The following RAD50 variants were observed in gnomAD, a reference collection of about 807,000 sequenced individuals.
RAD50 encodes the protein DNA repair protein RAD50.
A neutral mutation model predicts 168.8 loss-of-function variants in RAD50; 132 were observed. The observed-to-expected ratio is 0.78, with a 90% CI of 0.68 to 0.90. The LOEUF is 0.90. RAD50 is among the 40% of genes least tolerant of loss of function. The probability of loss-of-function intolerance (pLI) is 0.00; values close to 1 mark genes in which losing one functional copy is unlikely to be tolerated. For synonymous variants in RAD50, 525 were observed against 497.4 expected (o/e 1.06, Z -0.74); for missense variants, 1,347 against 1,534.4 (o/e 0.88, Z 2.04).
At chr5:132,559,492 C>A in intron 2 of RAD50, 125 bp downstream of exon 2, 2 of 893,096 alleles carry the variant, frequency 2.2e-6, no homozygotes, top group Non-Finnish European at 3.3e-6. Flanking sequence ...TTTTAGCACC[C>A]AGTAGTAACC....
At position 132,622,948 on chromosome 5, in the gene RAD50, A is replaced by G. The variant is rs564997737; in HGVS notation, c.3389+4654A>G. On this transcript the variant is annotated intron_variant, in intron 21 of 24. Coordinates refer to ENST00000378823, the MANE Select transcript of RAD50 (RefSeq NM_005732.4). ...TTCTTAGTTGGTAGGTTCCTAGACT[A>G]TACTCACTGGTAGCATAACTTTGAA... Among the ~76,000 whole-genome samples, 91 of 152,324 alleles carry G rather than the reference A, an allele frequency of 6.0e-4. 1 individual carries two copies. The South Asian group carries it at 0.017, about 29-fold the overall frequency.
Position 132,642,586 on chromosome 5 carries a change from A to G in RAD50, c.*222A>G. The stretch of plus-strand genomic sequence containing the variant: ...GATTTGCTGCTCTTCATCCCATTCC[A>G]GGCAGCCTCTGTCAGGCCTTCAGGG... On this transcript the variant is annotated 3_prime_UTR_variant, in exon 25 of 25. Coordinates refer to ENST00000378823, the MANE Select transcript of RAD50 (RefSeq NM_005732.4). 1 of 579,940 alleles carries G rather than the reference A, an allele frequency of 1.7e-6. No individual in the cohort carries two copies. Among genetic ancestry groups the G allele is most frequent in the Non-Finnish European group, 3.0e-6 (1 of 330,878 alleles). 35.9% of individuals were successfully genotyped at this position (579,940 alleles called of 1,614,324 possible).
intron 21 of RAD50, among the ~76,000 whole-genome samples, chr5:132,632,180 A>G (rs1203902427): frequency 6.6e-6 from 1 of 152,142 alleles, no homozygotes; most frequent in Admixed American, 6.5e-5. Context: ...TCCCAAACAT[A>G]TGTGATTTTT....
At chr5:132,572,162 T>C (rs1750318429) in intron 2 of RAD50, among the ~76,000 whole-genome samples, 1 of 152,136 alleles carries the variant, frequency 6.6e-6, no homozygotes, top group African/African-American at 2.4e-5. Context: ...AGAAAAAGCT[T>C]TTCAATTTAA....
chr5:132,591,889 G>T lies in RAD50; in HGVS notation c.1648G>T (p.Glu550Ter). The change falls in exon 11 of 25, where the codon GAA (glutamate) becomes TAA (stop). Residue 550 changes from glutamate to a stop codon, truncating the protein, a stop_gained. Transcript: ENST00000378823. LOFTEE classifies it high-confidence loss of function. ...TTTTTACCTATAGGCTGACAAAGAT[G>T]AACAAATCAGAAAAATAAAATCTAG... Reference protein sequence around the residue: ...MLTKDKADKDEQIRKIKSRHS... With the variant: ...MLTKDKADKD 2 of 1,603,610 alleles carry T rather than the reference G, an allele frequency of 1.2e-6. No individual in the cohort carries two copies. The highest frequency in any genetic ancestry group is 2.2e-5 in the South Asian group (2 of 90,564).
rs1249301323 is a variant in RAD50, at chr5:132,591,442, G to C, written c.1635+36G>C. Reference sequence around the variant, plus strand: ...TCTTTTTGTTCTAATTATACTGTCTGGTACTTAAAATAGCCTACCTTGCAC... The same window carrying C: ...TCTTTTTGTTCTAATTATACTGTCTCGTACTTAAAATAGCCTACCTTGCAC... On this transcript the variant is annotated intron_variant, in intron 10 of 24. Transcript: ENST00000378823. 4 of 1,581,358 alleles carry C rather than the reference G, an allele frequency of 2.5e-6. No homozygotes were observed. In the African/African-American group the frequency reaches 4.1e-5, roughly 16 times the overall value.
At chr5:132,557,841 T>A (rs894586515) in intron 1 of RAD50, among the ~76,000 whole-genome samples, 2 of 152,228 alleles carry the variant, frequency 1.3e-5, no homozygotes, top group Non-Finnish European at 2.9e-5. Context: ...TTAAAAGTTA[T>A]AAAATGATAC....
At chr5:132,615,337 C>T (rs1043488134) in intron 19 of RAD50, among the ~76,000 whole-genome samples, 15 of 152,240 alleles carry the variant, frequency 9.9e-5, no homozygotes, top group Admixed American at 9.2e-4. Flanking sequence ...AATTTCATTT[C>T]GGTGGCTAAG....
At chr5:132,641,010 G>A (rs1751709553) in intron 24 of RAD50, among the ~76,000 whole-genome samples, 1 of 152,148 alleles carries the variant, frequency 6.6e-6, no homozygotes, top group African/African-American at 2.4e-5. Flanking sequence ...GGAACTAGAT[G>A]GTGAACAGCA....
intron 2 of RAD50, among the ~76,000 whole-genome samples, chr5:132,573,747 G>A (rs189212324): frequency 3.1e-4 from 47 of 152,336 alleles, no homozygotes; most frequent in Non-Finnish European, 6.2e-4. Context: ...GGGGATACAG[G>A]CATTGGGCAA....
At chr5:132,584,824 T>G (rs1750565474) in intron 5 of RAD50, among the ~76,000 whole-genome samples, 1 of 151,876 alleles carries the variant, frequency 6.6e-6, no homozygotes, top group South Asian at 2.1e-4. Flanking sequence ...AAACCATCAT[T>G]CTCAGCAAAC....
chr5:132,641,358 A>G (rs1751716645), intron 24 of RAD50, among the ~76,000 whole-genome samples: 1 of 152,208 alleles, frequency 6.6e-6, no homozygotes, highest in Admixed American at 6.5e-5. Flanking sequence ...CAGCTCTTGC[A>G]TAAGGACTAT....
chr5:132,558,407 G>A (rs1750050630), intron 1 of RAD50, among the ~76,000 whole-genome samples: 1 of 152,076 alleles, frequency 6.6e-6, no homozygotes, highest in African/African-American at 2.4e-5. Flanking sequence ...TTTATAAAAT[G>A]GAGATTAAAA....
At chr5:132,637,056 T>C in intron 21 of RAD50, 59 bp from the exon 22 acceptor site, 4 of 1,235,762 alleles carry the variant, frequency 3.2e-6, no homozygotes, top group Non-Finnish European at 1.0e-6. Context: ...TATTTTAATA[T>C]TACTATTACA....
rs1279519668 is a variant in RAD50, at chr5:132,619,883, T to TAAAG, written c.3389+1590_3389+1591insAAGA. On this transcript the variant is annotated intron_variant, in intron 21 of 24. Coordinates refer to ENST00000378823, the MANE Select transcript of RAD50 (RefSeq NM_005732.4). ...ATATATATATAAAGATATATATATA[T>TAAAG]ATAGAGAGAGAGAGAGAGAGATATA... Among the ~76,000 whole-genome samples the TAAAG allele has an allele frequency of 6.1e-3, 754 of 123,992 alleles. 9 individuals carry two copies. In the East Asian group the frequency reaches 0.065, roughly 11 times the overall value. The allele number at this position is 123,992 out of a possible 152,430, so 81.3% of individuals were successfully genotyped here.
At chr5:132,589,019 A>G in intron 8 of RAD50, 139 bp downstream of exon 8, 1 of 887,036 alleles carries the variant, frequency 1.1e-6, no homozygotes, top group Non-Finnish European at 1.8e-6. Context: ...AGGCAGAAAA[A>G]CCTTTATTGA....
chr5:132,579,946 T>C lies in RAD50; in HGVS notation c.636T>C (p.Tyr212=), dbSNP rs760101766. 4 of 1,611,786 alleles carry C rather than the reference T, an allele frequency of 2.5e-6. No individual in the cohort carries two copies. The highest frequency in any genetic ancestry group is 1.7e-4 in the Middle Eastern group (1 of 6,056). Residue 212 remains tyrosine (Y), a synonymous_variant, in exon 5 of 25, where the codon TAT becomes TAC. Coordinates refer to ENST00000378823, the MANE Select transcript of RAD50 (RefSeq NM_005732.4). ...KVKEYQMELK[Y]LKQYKEKACE... ...AAGAATATCAAATGGAACTAAAATA[T>C]CTGAAGCAATATAAGGAAAAAGCTT...
intron 21 of RAD50, among the ~76,000 whole-genome samples, chr5:132,634,243 T>G (rs769641606): frequency 1.7e-4 from 26 of 152,204 alleles, no homozygotes; most frequent in Non-Finnish European, 2.9e-4. Context: ...CCTTTTATCC[T>G]ATTGTAAAGT....
At chr5:132,618,726 GA>G (rs1751223211) in intron 21 of RAD50, among the ~76,000 whole-genome samples, 1 of 152,120 alleles carries the variant, frequency 6.6e-6, no homozygotes, top group Non-Finnish European at 1.5e-5. Flanking sequence ...CCATGGATTG[GA>G]AAATATATGT....
Sources: allele counts gnomAD v4.1 joint callset (sites outside exome capture counted in the v4.1 genomes callset), GRCh38; gene constraint gnomAD v4.1.1; transcripts MANE v1.5; gene names NCBI Gene and HGNC (gene_info 2026-07-23, HGNC 2026-07-21).